NOVA1: variants seen among roughly 807,000 people sequenced by gnomAD.
NOVA1 encodes NOVA alternative splicing regulator 1.
In NOVA1, 7 loss-of-function variants were observed where a neutral mutation model predicts 38.0. The observed-to-expected ratio is 0.18, with a 90% CI of 0.10 to 0.35. The LOEUF is 0.35. Ranked by LOEUF, NOVA1 falls within the 10% of genes least tolerant of loss-of-function variation. The pLI is 1.00. For missense variants in NOVA1, 460 were observed against 616.0 expected, an observed-to-expected ratio of 0.75 and a Z score of 2.68; for synonymous variants, 270 against 232.5, an observed-to-expected ratio of 1.16 and a Z score of -1.47.
At chr14:26,583,167 A>G (rs1194668773) in intron 2 of NOVA1, among the ~76,000 whole-genome samples, 1 of 151,768 alleles carries the variant, frequency 6.6e-6, no homozygotes, top group African/African-American at 2.4e-5. Flanking sequence ...AAAATACAAA[A>G]TAGAATATCA....
At chr14:26,547,057 T>C (rs1890836514) in intron 2 of NOVA1, among the ~76,000 whole-genome samples, 1 of 152,128 alleles carries the variant, frequency 6.6e-6, no homozygotes, top group Non-Finnish European at 1.5e-5. Flanking sequence ...AAAATTCATA[T>C]AATTTATGCA....
intron 4 of NOVA1, among the ~76,000 whole-genome samples, chr14:26,453,293 G>A (rs896471489): frequency 6.6e-5 from 10 of 151,896 alleles, no homozygotes; most frequent in South Asian, 2.1e-4. Flanking sequence ...CTGCAGCCTC[G>A]AACTCCTGGG....
At chr14:26,556,501 C>T (rs1039742397) in intron 2 of NOVA1, among the ~76,000 whole-genome samples, 11 of 152,008 alleles carry the variant, frequency 7.2e-5, no homozygotes, top group Non-Finnish European at 1.2e-4. Flanking sequence ...AATCATAAAC[C>T]TTTCACAAAA....
rs560411438 is a variant in NOVA1, at chr14:26,495,675, T to C, written c.281-15532A>G. On this transcript the variant is annotated intron_variant, in intron 2 of 4. Transcript: ENST00000539517. ...CCCCACCCCACAACAGTCCCCAGAG[T>C]GTGACGTTCCCCTTCCTGTGTCCAT... 4.6e-3 allele frequency among the ~76,000 whole-genome samples: 623 copies of C among 135,654 alleles called. 4 individuals are homozygous for C. The highest frequency in any genetic ancestry group is 0.012 in the Middle Eastern group (3 of 254). 89.0% of individuals were successfully genotyped at this position (135,654 alleles called of 152,430 possible). A position where few individuals can be genotyped will look rare whatever the true frequency, so the allele number is the denominator to read the frequency against.
intron 2 of NOVA1, among the ~76,000 whole-genome samples, chr14:26,529,344 G>T (rs1240803873): frequency 6.6e-6 from 1 of 151,978 alleles, no homozygotes; most frequent in Non-Finnish European, 1.5e-5. Flanking sequence ...CATCATGTTG[G>T]CCAGGCTGGT....
At chr14:26,567,176 T>C (rs1892183581) in intron 2 of NOVA1, among the ~76,000 whole-genome samples, 1 of 152,032 alleles carries the variant, frequency 6.6e-6, no homozygotes, top group South Asian at 2.1e-4. Context: ...TTAAATCCTA[T>C]AAAAATAATG....
intron 2 of NOVA1, among the ~76,000 whole-genome samples, chr14:26,556,546 A>G (rs1161482566): frequency 3.3e-5 from 5 of 152,218 alleles, no homozygotes; most frequent in African/African-American, 1.2e-4. Flanking sequence ...AAAACTCTAC[A>G]ACTCCTAGAA....
intron 2 of NOVA1, among the ~76,000 whole-genome samples, chr14:26,490,410 A>G (rs1886244004): frequency 1.3e-5 from 2 of 152,126 alleles, no homozygotes; most frequent in Admixed American, 1.3e-4. Flanking sequence ...TAGCCTTTTG[A>G]GGAACAGATA....
At chr14:26,485,465 A>C (rs1885811394) in intron 2 of NOVA1, among the ~76,000 whole-genome samples, 1 of 152,182 alleles carries the variant, frequency 6.6e-6, no homozygotes, top group Non-Finnish European at 1.5e-5. Context: ...AATAATGGAT[A>C]ATTTAACAAT....
At chr14:26,501,961 T>C (rs921915434) in intron 2 of NOVA1, among the ~76,000 whole-genome samples, 1 of 151,912 alleles carries the variant, frequency 6.6e-6, no homozygotes, top group Non-Finnish European at 1.5e-5. Context: ...ACAAGAGAAA[T>C]AGTTTCAGCA....
At chr14:26,488,997 C>A (rs1448115913) in intron 2 of NOVA1, among the ~76,000 whole-genome samples, 1 of 151,878 alleles carries the variant, frequency 6.6e-6, no homozygotes, top group Non-Finnish European at 1.5e-5. Flanking sequence ...AGAAGTGTGA[C>A]CAGTGGTGGA....
chr14:26,467,904 G>A (rs1161801273), intron 4 of NOVA1, among the ~76,000 whole-genome samples: 2 of 152,100 alleles, frequency 1.3e-5, no homozygotes, highest in African/African-American at 4.8e-5. Context: ...AAACATTGTG[G>A]GGGTTGTGGT....
intron 2 of NOVA1, among the ~76,000 whole-genome samples, chr14:26,485,160 C>T (rs1885782611): frequency 6.6e-6 from 1 of 152,066 alleles, no homozygotes; most frequent in Non-Finnish European, 1.5e-5. Context: ...CTCCAGTGCC[C>T]AGAAGAGTGC....
intron 2 of NOVA1, among the ~76,000 whole-genome samples, chr14:26,527,383 G>C (rs1253843850): frequency 6.6e-6 from 1 of 151,932 alleles, no homozygotes; most frequent in East Asian, 1.9e-4. Flanking sequence ...AGCATCACCA[G>C]AATCAATAAG....
chr14:26,562,155 A>C lies in NOVA1; in HGVS notation c.280+33255T>G, dbSNP rs139000541. ...TTAGTTTAAGTAACTCAGATGTCTA[A>C]AGAAGTATGTATTGTAGGCTTCTGG... On this transcript the variant is annotated intron_variant, in intron 2 of 4. Transcript: ENST00000539517. 1.2e-4 allele frequency among the ~76,000 whole-genome samples: 18 copies of C among 152,286 alleles called. No individual in the cohort carries two copies. In the East Asian group the frequency reaches 3.1e-3, roughly 26 times the overall value.
chr14:26,517,056 C>T (rs1888523154), intron 2 of NOVA1, among the ~76,000 whole-genome samples: 1 of 152,052 alleles, frequency 6.6e-6, no homozygotes, highest in African/African-American at 2.4e-5. Context: ...CAGGTATGTG[C>T]CACCATGCCC....
At chr14:26,488,812 AGTAATTTGTACT>A (rs1345115881) in intron 2 of NOVA1, among the ~76,000 whole-genome samples, 1 of 152,154 alleles carries the variant, frequency 6.6e-6, no homozygotes, top group African/African-American at 2.4e-5. Flanking sequence ...CATTTTTGAC[AGTAATTTGTACT>A]TTTAAATTTT....
rs889729286 is a variant in NOVA1 at position 26,447,781 on chromosome 14, T to G, written c.*178A>C. 2.4e-5 allele frequency: 15 copies of G among 614,652 alleles called. No individual in the cohort carries two copies. The highest frequency in any genetic ancestry group is 4.3e-5 in the Non-Finnish European group (15 of 347,162). The allele number at this position is 614,652 out of a possible 1,614,324, so 38.1% of individuals were successfully genotyped here. A position where few individuals can be genotyped will look rare whatever the true frequency, so the allele number is the denominator to read the frequency against. On this transcript the variant is annotated 3_prime_UTR_variant, in exon 5 of 5. Coordinates refer to ENST00000539517, the MANE Select transcript of NOVA1 (RefSeq NM_002515.3). ...AAACAGATCAAGAAAAAATTCTTTC[T>G]ATGAAACATCTGGTAAAACACATAT...
intron 2 of NOVA1, among the ~76,000 whole-genome samples, chr14:26,484,284 A>C (rs532951892): frequency 1.2e-4 from 18 of 151,902 alleles, no homozygotes; most frequent in African/African-American, 4.3e-4. Flanking sequence ...AATACAAAAA[A>C]AAATAGCCGG....
Sources: gnomAD v4.1 joint callset for allele counts (sites outside exome capture counted in the v4.1 genomes callset) on GRCh38, gnomAD v4.1.1 for gene constraint, MANE v1.5 for transcripts, NCBI Gene and HGNC (gene_info 2026-07-23, HGNC 2026-07-21) for gene names.